IRAK3: variants seen among roughly 807,000 people sequenced by gnomAD.
IRAK3 encodes interleukin 1 receptor associated kinase 3, also known as interleukin-1 receptor-associated kinase 3.
IRAK3 carries 57 observed loss-of-function variants against 56.6 expected under a neutral mutation model. The observed-to-expected ratio is 1.01, with a 90% confidence interval of 0.81 to 1.26. IRAK3 has a LOEUF of 1.26. Among genes scored for constraint, IRAK3 ranks in the 50% most tolerant of loss-of-function variants. The pLI, the probability that IRAK3 is intolerant of heterozygous loss-of-function variation, is 0.00. For missense variants in IRAK3, 703 were observed against 719.0 expected, an observed-to-expected ratio of 0.98 and a Z score of 0.25; for synonymous variants, 258 against 255.7, an observed-to-expected ratio of 1.01 and a Z score of -0.09.
In IRAK3 at chr12:66,250,517, T is replaced by C. The variant is rs2053086392; in HGVS notation, c.*2346T>C. On this transcript the variant is annotated 3_prime_UTR_variant, in exon 12 of 12. Coordinates refer to ENST00000261233, the MANE Select transcript of IRAK3 (RefSeq NM_007199.3). ...CTTTATACAGGCCCTCGGTAAGCAG[T>C]TGGGAGAACCCATGCCCACCACTGC... is the stretch of plus-strand genomic sequence containing the variant. 2.0e-5 allele frequency: 3 copies of C among 152,332 alleles called. No individual in the cohort carries two copies. Among genetic ancestry groups the C allele is most frequent in the South Asian group, 4.1e-4 (2 of 4,820 alleles). 9.4% of individuals were successfully genotyped at this position (152,332 alleles called of 1,614,324 possible). A position where few individuals can be genotyped will look rare whatever the true frequency, so the allele number is the denominator to read the frequency against.
Position 66,249,869 on chromosome 12 carries a change from A to G in IRAK3, c.*1698A>G, listed in dbSNP as rs1438852152. 1 of 152,146 alleles carries G rather than the reference A, an allele frequency of 6.6e-6. No individual in the cohort carries two copies. Among genetic ancestry groups the G allele is most frequent in the Non-Finnish European group, 1.5e-5 (1 of 68,022 alleles). The allele number at this position is 152,146 out of a possible 1,614,324, so 9.4% of individuals were successfully genotyped here. A position where few individuals can be genotyped will look rare whatever the true frequency, so the allele number is the denominator to read the frequency against. On this transcript the variant is annotated 3_prime_UTR_variant, in exon 12 of 12. Coordinates refer to ENST00000261233, the MANE Select transcript of IRAK3 (RefSeq NM_007199.3). ...GAAAATCTCTGTGTCTCAGATCCTTAATTTAATTACACCTGCAAAGTCCGT... is the reference window on the plus strand; with the variant it reads ...GAAAATCTCTGTGTCTCAGATCCTTGATTTAATTACACCTGCAAAGTCCGT...
At chr12:66,240,206 G>T (rs368025421) in intron 8 of IRAK3, among the ~76,000 whole-genome samples, 2 of 152,172 alleles carry the variant, frequency 1.3e-5, no homozygotes, top group African/African-American at 2.4e-5. Context: ...TAAGAACCCC[G>T]TGAAGTAAGC....
In IRAK3 at chr12:66,244,641, AG is replaced by A. The variant is rs2053008387; in HGVS notation, c.1047del (p.Lys350AsnfsTer14). ...TACATGCCAGAAGAGTACATCAGAC[AG>A]GGGAAACTTTCCATTAAAACAGATG... is the stretch of plus-strand genomic sequence containing the variant. ...LWYMPEEYIRQGKLSIKTDVY... is the reference protein window; with the variant it reads ...LWYMPEEYIRXGKLSIKTDVY... On this transcript the variant is annotated frameshift_variant, in exon 9 of 12. Coordinates refer to ENST00000261233, the MANE Select transcript of IRAK3 (RefSeq NM_007199.3). LOFTEE classifies it high-confidence loss of function. 6.2e-7 allele frequency: 1 copy of A among 1,614,126 alleles called. No homozygotes were observed. The highest frequency in any genetic ancestry group is 8.5e-7 in the Non-Finnish European group (1 of 1,179,976).
At chr12:66,228,530 GA>G (rs1356561593) in intron 8 of IRAK3, among the ~76,000 whole-genome samples, 160 bp downstream of exon 8, 2 of 152,092 alleles carry the variant, frequency 1.3e-5, no homozygotes, top group African/African-American at 4.8e-5. Context: ...TTTTATTAAT[GA>G]AAATGTGTCT....
chr12:66,195,984 C>T (rs981943296), intron 1 of IRAK3, among the ~76,000 whole-genome samples: 3 of 151,806 alleles, frequency 2.0e-5, no homozygotes, highest in African/African-American at 7.3e-5. Context: ...ATTGACACCC[C>T]CCCCCACCAC....
chr12:66,203,016 C>T (rs943728312), intron 1 of IRAK3, among the ~76,000 whole-genome samples: 1 of 151,952 alleles, frequency 6.6e-6, no homozygotes, highest in Non-Finnish European at 1.5e-5. Flanking sequence ...ACAGCTGTTT[C>T]TTACCAAACA....
At chr12:66,210,053 G>A in intron 3 of IRAK3, 94 bp from the exon 4 acceptor site, 2 of 817,868 alleles carry the variant, frequency 2.4e-6, no homozygotes, top group Admixed American at 3.7e-5. Context: ...CTGTTGCACT[G>A]CATAGTCCCC....
chr12:66,226,316 AC>A (rs1282674344), intron 6 of IRAK3, among the ~76,000 whole-genome samples: 1 of 151,162 alleles, frequency 6.6e-6, no homozygotes, highest in East Asian at 1.9e-4. Context: ...ATCTTGGCTC[AC>A]GGCAACCTCC....
At chr12:66,210,100 C>T in intron 3 of IRAK3, 47 bp from the exon 4 acceptor site, 1 of 1,236,288 alleles carries the variant, frequency 8.1e-7, no homozygotes. Flanking sequence ...TCTGTTCTTT[C>T]TAGATGTATG....
At chr12:66,245,597 G>A (rs964194644) in intron 11 of IRAK3, among the ~76,000 whole-genome samples, 14 of 7,514 alleles carry the variant, frequency 1.9e-3, no homozygotes, top group African/African-American at 2.0e-3. Flanking sequence ...GAGTGCAGTG[G>A]CACGGCCCAC....
chr12:66,197,350 G>A (rs2052464263), intron 1 of IRAK3: 27 of 1,014,052 alleles, frequency 2.7e-5, no homozygotes, highest in Middle Eastern at 9.5e-4. Flanking sequence ...GTAAGGGAGA[G>A]TTGAAGAAAA....
intron 2 of IRAK3, 60 bp downstream of exon 2, chr12:66,203,953 T>C (rs1365279955): frequency 2.9e-6 from 4 of 1,401,086 alleles, no homozygotes; most frequent in Non-Finnish European, 3.0e-6. Context: ...AATTTGTAAA[T>C]TCGAATATTG....
rs2136958966 is a variant in IRAK3, at chr12:66,252,166, C to T, written c.*3995C>T. On this transcript the variant is annotated 3_prime_UTR_variant, in exon 12 of 12. Transcript: ENST00000261233. The stretch of plus-strand genomic sequence containing the variant: ...CTTTGCATGTTTTTTTCTGGTTAAC[C>T]CTTAGAGTCACCCTGAAGGTGTGGA... 6.6e-6 allele frequency: 1 copy of T among 152,132 alleles called. No individual in the cohort carries two copies. 9.4% of individuals were successfully genotyped at this position (152,132 alleles called of 1,614,324 possible).
chr12:66,234,602 C>T (rs1279705859), intron 8 of IRAK3: 3 of 1,611,566 alleles, frequency 1.9e-6, no homozygotes, highest in African/African-American at 2.7e-5. Flanking sequence ...TGGGTTCTGT[C>T]TCTTTTTCTG....
intron 1 of IRAK3, among the ~76,000 whole-genome samples, chr12:66,199,845 A>G (rs1459145677): frequency 6.6e-6 from 1 of 152,214 alleles, no homozygotes; most frequent in Non-Finnish European, 1.5e-5. Context: ...TAACATTACC[A>G]TATTTGGCTA....
Position 66,234,121 on chromosome 12 carries a change from G to A in IRAK3, c.887+5751G>A, listed in dbSNP as rs561668095. Reference sequence around the variant, plus strand: ...ATGGAGAATGGTCATTAGACGTCTCGACAGCCACCTGCTGTTGACCACTTG... The same window carrying A: ...ATGGAGAATGGTCATTAGACGTCTCAACAGCCACCTGCTGTTGACCACTTG... On this transcript the variant is annotated intron_variant, in intron 8 of 11. Coordinates refer to ENST00000261233, the MANE Select transcript of IRAK3 (RefSeq NM_007199.3). 254 of 1,614,106 alleles carry A rather than the reference G, an allele frequency of 1.6e-4. No individual in the cohort carries two copies. In the African/African-American group the frequency reaches 3.2e-3, roughly 20 times the overall value.
intron 1 of IRAK3, among the ~76,000 whole-genome samples, chr12:66,199,944 A>G (rs560010182): frequency 1.3e-5 from 2 of 152,324 alleles, no homozygotes; most frequent in African/African-American, 4.8e-5. Context: ...CCTCTGTGAA[A>G]CATCATCTCT....
intron 8 of IRAK3, among the ~76,000 whole-genome samples, chr12:66,229,681 A>T (rs2052824235): frequency 6.6e-6 from 1 of 152,164 alleles, no homozygotes; most frequent in African/African-American, 2.4e-5. Context: ...TGGGACCTGA[A>T]TATAGAGGGA....
At chr12:66,232,167 C>T (rs1385239896) in intron 8 of IRAK3, among the ~76,000 whole-genome samples, 1 of 152,184 alleles carries the variant, frequency 6.6e-6, no homozygotes, top group Non-Finnish European at 1.5e-5. Flanking sequence ...TTATATTTTA[C>T]TTGGTGGTGG....
Sources: gnomAD v4.1 joint callset for allele counts (sites outside exome capture counted in the v4.1 genomes callset) on GRCh38, gnomAD v4.1.1 for gene constraint, MANE v1.5 for transcripts, NCBI Gene and HGNC (gene_info 2026-07-23, HGNC 2026-07-21) for gene names.